Variants in DLGAP2 observed in about 807,000 individuals in gnomAD.
DLGAP2 encodes disks large-associated protein 2.
DLGAP2 carries 26 observed loss-of-function variants against 100.3 expected under a neutral mutation model. The observed-to-expected ratio is 0.26, with a 90% CI of 0.19 to 0.36. DLGAP2 has a LOEUF of 0.36. Among genes scored for constraint, DLGAP2 ranks in the 10% least tolerant of loss-of-function variants. DLGAP2 has a pLI of 1.00. For synonymous variants in DLGAP2, 886 were observed against 630.1 expected (o/e 1.41, Z -6.08); for missense variants, 1,858 against 1,453.2 (o/e 1.28, Z -4.53).
intron 2 of DLGAP2, among the ~76,000 whole-genome samples, chr8:921,712 G>T (rs542293077): frequency 3.3e-5 from 5 of 152,260 alleles, no homozygotes; most frequent in East Asian, 1.9e-4. Flanking sequence ...CACCCAGGTG[G>T]CTGCGCTGCT....
At chr8:1,384,933 T>G (rs74652673) in intron 3 of DLGAP2, among the ~76,000 whole-genome samples, 2 of 54,810 alleles carry the variant, frequency 3.6e-5, no homozygotes, top group African/African-American at 6.8e-5. Flanking sequence ...CCTATGCCCG[T>G]CCCCTGAGAA....
chr8:1,699,973 A>T lies in DLGAP2; in HGVS notation c.2950-1215A>T, dbSNP rs79931419. 9.9e-3 allele frequency among the ~76,000 whole-genome samples: 1,511 copies of T among 152,336 alleles called. 24 individuals are homozygous for T. The highest frequency in any genetic ancestry group is 0.035 in the African/African-American group (1,444 of 41,568). ...ACTATGAGGACAGTTATGTGCTGAA[A>T]AAAGGAATTACTTGTTAAAGTAGCT... On this transcript the variant is annotated intron_variant, in intron 14 of 14. Coordinates refer to ENST00000637795, the MANE Select transcript of DLGAP2 (RefSeq NM_001346810.2).
intron 3 of DLGAP2, among the ~76,000 whole-genome samples, chr8:1,479,750 A>G (rs1019945093): frequency 6.6e-6 from 1 of 152,194 alleles, no homozygotes; most frequent in African/African-American, 2.4e-5. Context: ...GTGCCTCATC[A>G]GAAGCCCCCT....
At chr8:965,816 G>A (rs1799855662) in intron 2 of DLGAP2, among the ~76,000 whole-genome samples, 1 of 144,780 alleles carries the variant, frequency 6.9e-6, no homozygotes, top group Non-Finnish European at 1.5e-5. Context: ...TCTGACCCCT[G>A]CGCTGTACAC....
chr8:1,169,605 G>T (rs1460891763), intron 2 of DLGAP2, among the ~76,000 whole-genome samples: 1 of 152,182 alleles, frequency 6.6e-6, no homozygotes. Context: ...CACGTCCCTT[G>T]TAAGCTGCAT....
chr8:957,859 A>G (rs755148484), intron 2 of DLGAP2, among the ~76,000 whole-genome samples: 3 of 150,980 alleles, frequency 2.0e-5, no homozygotes, highest in Non-Finnish European at 4.4e-5. Context: ...AAAATATTTT[A>G]AAAATATTTT....
chr8:1,324,339 C>G (rs1407905992), intron 3 of DLGAP2, among the ~76,000 whole-genome samples: 3 of 152,222 alleles, frequency 2.0e-5, no homozygotes, highest in East Asian at 1.9e-4. Flanking sequence ...CTCTTCTGTA[C>G]TGACTCAACT....
At chr8:1,300,381 C>G (rs544837407) in intron 3 of DLGAP2, 14 of 152,262 alleles carry the variant, frequency 9.2e-5, no homozygotes, top group Non-Finnish European at 1.3e-4. Flanking sequence ...CGTTTTCCCT[C>G]CCTACACTGG....
chr8:850,202 C>G (rs1403175283), intron 1 of DLGAP2, among the ~76,000 whole-genome samples: 5 of 151,582 alleles, frequency 3.3e-5, no homozygotes, highest in Admixed American at 2.6e-4. Flanking sequence ...TTTTCATTTT[C>G]TTAACAGTGT....
At chr8:1,221,068 C>A (rs1465844711) in intron 2 of DLGAP2, among the ~76,000 whole-genome samples, 1 of 152,110 alleles carries the variant, frequency 6.6e-6, no homozygotes, top group Non-Finnish European at 1.5e-5. Context: ...CCACTCTTTG[C>A]CTTTTAACTG....
intron 2 of DLGAP2, among the ~76,000 whole-genome samples, chr8:1,179,971 A>G (rs1006496374): frequency 3.9e-5 from 6 of 152,252 alleles, no homozygotes; most frequent in Non-Finnish European, 8.8e-5. Context: ...GTTTGAGTAA[A>G]TGCAATTAAA....
chr8:925,087 T>G (rs769413127), intron 2 of DLGAP2, among the ~76,000 whole-genome samples: 4 of 152,120 alleles, frequency 2.6e-5, no homozygotes, highest in African/African-American at 9.7e-5. Flanking sequence ...ATGTTGATAA[T>G]GGTGAAAGTG....
intron 2 of DLGAP2, among the ~76,000 whole-genome samples, chr8:1,049,941 T>C (rs754090657): frequency 1.3e-5 from 2 of 152,202 alleles, no homozygotes; most frequent in Non-Finnish European, 2.9e-5. Flanking sequence ...CACACGTGGA[T>C]ATATGCACAC....
At chr8:1,196,950 C>G (rs115113451) in intron 2 of DLGAP2, among the ~76,000 whole-genome samples, 1,605 of 152,250 alleles carry the variant, frequency 0.011, 30 homozygotes, top group African/African-American at 0.037. Flanking sequence ...TGTCCATCCA[C>G]AAGCTGGAGA....
intron 2 of DLGAP2, among the ~76,000 whole-genome samples, chr8:1,129,220 A>G (rs893540583): frequency 6.6e-6 from 1 of 152,080 alleles, no homozygotes; most frequent in Non-Finnish European, 1.5e-5. Flanking sequence ...CCTGGCCAAC[A>G]TGGTGAAAAC....
intron 1 of DLGAP2, among the ~76,000 whole-genome samples, chr8:874,644 G>A (rs1818900935): frequency 6.6e-6 from 1 of 152,138 alleles, no homozygotes; most frequent in African/African-American, 2.4e-5. Flanking sequence ...GGTATATTCT[G>A]GGAATGTTTT....
Position 834,616 on chromosome 8 carries a change from A to ATCAG in DLGAP2, c.19-73294_19-73291dup, listed in dbSNP as rs987915621. On this transcript the variant is annotated intron_variant, in intron 1 of 14. Coordinates refer to ENST00000637795, the MANE Select transcript of DLGAP2 (RefSeq NM_001346810.2). ...AAAACACTCTGTCTTCCTTGACCAA[A>ATCAG]TCAGTGCAAGAAAAGGAAACCTTCT... Among the ~76,000 whole-genome samples, 18 of 152,122 alleles carry ATCAG rather than the reference A, an allele frequency of 1.2e-4. 1 individual carries two copies. Among genetic ancestry groups the ATCAG allele is most frequent in the African/African-American group, 4.3e-4 (18 of 41,416 alleles).
At chr8:749,952 C>G (rs113948916) in intron 1 of DLGAP2, among the ~76,000 whole-genome samples, 1,812 of 152,328 alleles carry the variant, frequency 0.012, 37 homozygotes, top group African/African-American at 0.042. Flanking sequence ...GTGGCCTCCT[C>G]CTCTTCTCCT....
chr8:1,510,761 C>G (rs552643568), intron 4 of DLGAP2, among the ~76,000 whole-genome samples: 68 of 152,274 alleles, frequency 4.5e-4, no homozygotes, highest in African/African-American at 1.6e-3. Context: ...TTTTGAGTAT[C>G]CACACTGCTT....
Sources: allele counts gnomAD v4.1 joint callset (sites outside exome capture counted in the v4.1 genomes callset), GRCh38; gene constraint gnomAD v4.1.1; transcripts MANE v1.5; gene names NCBI Gene and HGNC (gene_info 2026-07-23, HGNC 2026-07-21).